The following DUSP11 variants were observed in gnomAD, a reference collection of about 807,000 sequenced individuals.
DUSP11 encodes RNA/RNP complex-1-interacting phosphatase.
DUSP11 carries 27 observed loss-of-function variants against 41.4 expected under a neutral mutation model. The observed-to-expected ratio is 0.65, with a 90% CI of 0.48 to 0.90. The LOEUF is 0.90. DUSP11 is among the 40% of genes least tolerant of loss of function. The probability of loss-of-function intolerance (pLI) is 0.00; values close to 1 mark genes in which losing one functional copy is unlikely to be tolerated. For synonymous variants in DUSP11, 188 were observed against 159.3 expected, an observed-to-expected ratio of 1.18 and a Z score of -1.35; for missense variants, 465 against 461.1, an observed-to-expected ratio of 1.01 and a Z score of -0.08.
intron 8 of DUSP11, among the ~76,000 whole-genome samples, chr2:73,765,482 A>G (rs1672442984): frequency 6.6e-6 from 1 of 152,192 alleles, no homozygotes; most frequent in African/African-American, 2.4e-5. Flanking sequence ...ACAGCCTACT[A>G]TGAAACTTCT....
At chr2:73,762,554 T>C in exon 9 of DUSP11, 1 of 803,810 alleles carries the variant, frequency 1.2e-6, no homozygotes, top group Non-Finnish European at 1.9e-6. Context: ...CTTGAATACA[T>C]AAGGGAACAA....
intron 1 of DUSP11, 71 bp from the exon 2 acceptor site, chr2:73,778,447 G>C (rs1448541845): frequency 9.9e-7 from 1 of 1,007,098 alleles, no homozygotes; most frequent in Non-Finnish European, 1.4e-6. Context: ...AAGACTTTTT[G>C]AAAATGGGAA....
In DUSP11 at chr2:73,774,943, T is replaced by C. The variant is rs1672650951; in HGVS notation, c.420A>G (p.Leu140=). The change falls in exon 3 of 9, where the codon TTA becomes TTG. Residue 140 remains leucine (L), a synonymous_variant. Coordinates refer to ENST00000272444, the Ensembl canonical transcript of DUSP11. Reference sequence around the variant, plus strand: ...GTTTATAATAGCGTTGAGTATATGTTAAATCAATAATCAGTCCAAGTTCTT... The same window carrying C: ...GTTTATAATAGCGTTGAGTATATGTCAAATCAATAATCAGTCCAAGTTCTT... 1.9e-6 allele frequency: 3 copies of C among 1,609,930 alleles called. No individual in the cohort carries two copies. The African/African-American group carries it at 4.0e-5, about 22-fold the overall frequency.
At chr2:73,762,522 A>T in exon 9 of DUSP11, 1 of 514,540 alleles carries the variant, frequency 1.9e-6, no homozygotes, top group Non-Finnish European at 3.4e-6. Context: ...AGAGGTAAAC[A>T]GCAATGCAAT....
chr2:73,773,448 CA>C (rs1190849462), intron 4 of DUSP11: 1 of 370,156 alleles, frequency 2.7e-6, no homozygotes, highest in African/African-American at 2.2e-5. Flanking sequence ...GTCTCTTTCA[CA>C]TAACTCTAAG....
chr2:73,779,335 G>A (rs952355144), intron 1 of DUSP11: 4 of 163,624 alleles, frequency 2.4e-5, no homozygotes, highest in African/African-American at 9.6e-5. Flanking sequence ...GTCTCAAGGA[G>A]TAAAAACAGT....
chr2:73,773,041 A>G (rs563084007), intron 4 of DUSP11, among the ~76,000 whole-genome samples: 9 of 152,364 alleles, frequency 5.9e-5, no homozygotes, highest in African/African-American at 2.2e-4. Context: ...CTTCAGTCTT[A>G]AAATATGACA....
intron 2 of DUSP11, among the ~76,000 whole-genome samples, chr2:73,775,630 A>G (rs571150768): frequency 1.2e-3 from 183 of 147,854 alleles, no homozygotes; most frequent in African/African-American, 4.4e-3. Flanking sequence ...CCAAGGCGGG[A>G]GGATCACAAG....
At chr2:73,780,131 GTGA>G in exon 1 of DUSP11, 1 of 1,553,050 alleles carries the variant, frequency 6.4e-7, no homozygotes, top group South Asian at 1.2e-5. Flanking sequence ...ACCGCCGGTC[GTGA>G]TGGCGTAGCC....
At chr2:73,766,683 A>C in intron 7 of DUSP11, 89 bp from the exon 8 acceptor site, 1 of 1,432,538 alleles carries the variant, frequency 7.0e-7, no homozygotes, top group South Asian at 1.3e-5. Flanking sequence ...GAAAATAACA[A>C]TTTCTTCCTT....
At chr2:73,775,863 TTAAAAAAAAAAAAAA>T (rs1402939073) in intron 2 of DUSP11, among the ~76,000 whole-genome samples, 3 of 101,488 alleles carry the variant, frequency 3.0e-5, no homozygotes, top group Non-Finnish European at 5.3e-5. Flanking sequence ...AAAAAAAAAT[TTAAAAAAAAAAAAAA>T]AAAAAAAAAA....
At chr2:73,766,781 G>C in intron 7 of DUSP11, 47 bp downstream of exon 7, 1 of 1,493,736 alleles carries the variant, frequency 6.7e-7, no homozygotes, top group Non-Finnish European at 9.3e-7. Context: ...TACATAAACA[G>C]AGATCTCCCT....
intron 8 of DUSP11, among the ~76,000 whole-genome samples, chr2:73,764,504 A>C (rs1314954372): frequency 6.6e-6 from 1 of 152,236 alleles, no homozygotes; most frequent in Non-Finnish European, 1.5e-5. Context: ...TGTCAATAAC[A>C]ACCACTATGG....
At chr2:73,776,711 T>G (rs1284997382) in intron 2 of DUSP11, among the ~76,000 whole-genome samples, 1 of 152,228 alleles carries the variant, frequency 6.6e-6, no homozygotes, top group African/African-American at 2.4e-5. Flanking sequence ...GAGAAAGAAC[T>G]AAGTTCAAGT....
At chr2:73,778,248 T>G in intron 2 of DUSP11, 53 bp downstream of exon 2, 1 of 1,229,990 alleles carries the variant, frequency 8.1e-7, no homozygotes, top group Non-Finnish European at 1.2e-6. Context: ...AGAGCAGTGT[T>G]CTGCATGGTG....
intron 2 of DUSP11, among the ~76,000 whole-genome samples, chr2:73,777,026 G>A (rs1424574213): frequency 6.6e-6 from 1 of 152,154 alleles, no homozygotes; most frequent in Admixed American, 6.5e-5. Context: ...TGTTGCCCAG[G>A]CTGGAGTACA....
At chr2:73,769,284 T>C (rs1343171101) in exon 5 of DUSP11, 1 of 1,613,792 alleles carries the variant, frequency 6.2e-7, no homozygotes, top group Non-Finnish European at 8.5e-7. Flanking sequence ...AGGTAGCCAG[T>C]CCTGTTTAAA....
At chr2:73,770,187 C>CA (rs70965756) in intron 4 of DUSP11, among the ~76,000 whole-genome samples, 1,212 of 90,512 alleles carry the variant, frequency 0.013, 6 homozygotes, top group Admixed American at 0.02. Context: ...CCCAGCTACT[C>CA]AAAAAAAAAA....
At chr2:73,770,622 G>A (rs575742399) in intron 4 of DUSP11, among the ~76,000 whole-genome samples, 2 of 152,220 alleles carry the variant, frequency 1.3e-5, no homozygotes, top group East Asian at 3.9e-4. Flanking sequence ...CCATATGGCA[G>A]ATGTTATCTT....
Sources: gnomAD v4.1 joint callset for allele counts (sites outside exome capture counted in the v4.1 genomes callset) on GRCh38, gnomAD v4.1.1 for gene constraint, MANE v1.5 for transcripts, NCBI Gene and HGNC (gene_info 2026-07-23, HGNC 2026-07-21) for gene names.